The following EP400 variants were observed in gnomAD, a reference collection of about 807,000 sequenced individuals.
EP400 encodes E1A-binding protein p400.
EP400 carries 105 observed loss-of-function variants against 354.1 expected under a neutral mutation model. The ratio of observed to expected loss-of-function variants is 0.30; its 90% CI spans 0.25 to 0.35. EP400 has a LOEUF of 0.35. EP400 is among the 10% of genes least tolerant of loss of function. The pLI, the probability that EP400 is intolerant of heterozygous loss-of-function variation, is 1.00. For missense variants in EP400, 3,280 were observed against 4,121.0 expected (o/e 0.80, Z 5.59); for synonymous variants, 1,646 against 1,716.9 (o/e 0.96, Z 1.02).
intron 22 of EP400, 34 bp from the exon 23 acceptor site, chr12:132,021,045 A>C (rs1397570372): frequency 6.5e-7 from 1 of 1,548,632 alleles, no homozygotes; most frequent in Non-Finnish European, 8.7e-7. Flanking sequence ...AGAACCTCTA[A>C]CAGCTTTGCA....
At position 132,027,898 on chromosome 12, in the gene EP400, CG is replaced by C; in HGVS notation, c.5110-115del. 9.5e-7 allele frequency: 1 copy of C among 1,054,612 alleles called. No individual in the cohort carries two copies. Among genetic ancestry groups the C allele is most frequent in the East Asian group, 2.5e-5 (1 of 39,872 alleles). 65.3% of individuals were successfully genotyped at this position (1,054,612 alleles called of 1,614,324 possible). ...ATCTCTATTTCCTGTAACACAAGAC[CG>C]GGGATATTGAAGTGGATCTCATATG... On this transcript the variant is annotated intron_variant, in intron 26 of 52. Transcript: ENST00000389561. This position sits in a 1 kb window ranked among gnomAD's most constrained non-coding sequence, Gnocchi z 4.9.
At position 132,056,427 on chromosome 12, in the gene EP400, A is replaced by G. The variant is rs7314077; in HGVS notation, c.7884+1219A>G. ...GACCCCTCCCCAACACAACACACGC[A>G]CACACACACACACACACACATTTTC... On this transcript the variant is annotated intron_variant, in intron 45 of 52. Transcript: ENST00000389561. Among the ~76,000 whole-genome samples the G allele has an allele frequency of 1.3e-3, 196 of 145,944 alleles. 1 individual carries two copies. The highest frequency in any genetic ancestry group is 4.4e-3 in the African/African-American group (169 of 38,722).
intron 32 of EP400, among the ~76,000 whole-genome samples, chr12:132,040,274 T>A (rs1398064734): frequency 6.6e-6 from 1 of 151,978 alleles, no homozygotes; most frequent in Non-Finnish European, 1.5e-5. Context: ...CCTGGGAACG[T>A]CGTTGGCACA....
At chr12:132,008,284 T>G (rs533713013) in intron 15 of EP400, among the ~76,000 whole-genome samples, 10 of 152,332 alleles carry the variant, frequency 6.6e-5, no homozygotes, top group African/African-American at 2.4e-4. Context: ...CTAAGCTGTT[T>G]GCATAGTTTG....
At position 132,030,104 on chromosome 12, in the gene EP400, C is replaced by G. The variant is rs766533664; in HGVS notation, c.5700C>G (p.Phe1900Leu). The change falls in exon 29 of 53, where the codon TTC becomes TTG. Residue 1900 changes from phenylalanine (F) to leucine (L), a missense_variant. Physicochemically the swap from Phe to Leu is conservative, Grantham distance 22. Coordinates refer to ENST00000389561, the MANE Select transcript of EP400 (RefSeq NM_015409.5). ...MLDILEMFLN[F>L]HYLTYVRIDE... is the part of the protein sequence containing the mutation. ...ACATTTTAGAGATGTTCTTGAACTT[C>G]CATTACCTCACCTATGTAAGAATCG... 8.1e-6 allele frequency: 13 copies of G among 1,614,200 alleles called. No individual in the cohort carries two copies. In the South Asian group the frequency reaches 1.1e-4, roughly 14 times the overall value.
chr12:132,027,648 A>C lies in EP400; in HGVS notation c.5109+117A>C. The stretch of plus-strand genomic sequence containing the variant: ...TGTGAATTCTCAAGTGATGTTACTG[A>C]ATTCTTATTTTAAAACACACATTTT... On this transcript the variant is annotated intron_variant, in intron 26 of 52. Transcript: ENST00000389561. This position sits in a 1 kb window ranked among gnomAD's most constrained non-coding sequence, Gnocchi z 4.9. 1 of 817,990 alleles carries C rather than the reference A, an allele frequency of 1.2e-6. No homozygotes were observed. Among genetic ancestry groups the C allele is most frequent in the South Asian group, 1.9e-5 (1 of 52,222 alleles). 50.7% of individuals were successfully genotyped at this position (817,990 alleles called of 1,614,324 possible).
At position 132,005,197 on chromosome 12, in the gene EP400, C is replaced by G. The variant is rs1260082713; in HGVS notation, c.2935+13C>G. 5.2e-6 allele frequency: 8 copies of G among 1,544,320 alleles called. No individual in the cohort carries two copies. Among genetic ancestry groups the G allele is most frequent in the Non-Finnish European group, 7.0e-6 (8 of 1,140,338 alleles). ...AGCGGAGAGGAAGGTGCGCTCCCAGCCTTTGGAAGAATTCAGGGTTAAAAG... is the reference window on the plus strand; with the variant it reads ...AGCGGAGAGGAAGGTGCGCTCCCAGGCTTTGGAAGAATTCAGGGTTAAAAG... On this transcript the variant is annotated intron_variant, in intron 13 of 52. Transcript: ENST00000389561.
chr12:131,953,512 A>G (rs1310264438), intron 1 of EP400, among the ~76,000 whole-genome samples: 5 of 152,200 alleles, frequency 3.3e-5, no homozygotes, highest in Non-Finnish European at 7.3e-5. Context: ...TTTCCTGTTG[A>G]TCCACCATTA....
Position 132,013,417 on chromosome 12 carries a change from T to G in EP400, c.3612-73T>G. On this transcript the variant is annotated intron_variant, in intron 17 of 52. Coordinates refer to ENST00000389561, the MANE Select transcript of EP400 (RefSeq NM_015409.5). This position sits in a 1 kb window ranked among gnomAD's most constrained non-coding sequence, Gnocchi z 4.5. ...AATTACTGTCCCTTTTCTCACACAT[T>G]GTCAGAGAAGATGCTGCTGCAGCCA... is the stretch of plus-strand genomic sequence containing the variant. 1 of 1,499,082 alleles carries G rather than the reference T, an allele frequency of 6.7e-7. No individual in the cohort carries two copies. The highest frequency in any genetic ancestry group is 8.9e-7 in the Non-Finnish European group (1 of 1,119,186). 92.9% of individuals were successfully genotyped at this position (1,499,082 alleles called of 1,614,324 possible). A position where few individuals can be genotyped will look rare whatever the true frequency, so the allele number is the denominator to read the frequency against.
intron 2 of EP400, among the ~76,000 whole-genome samples, chr12:131,970,056 C>T (rs1374416054): frequency 5.3e-5 from 8 of 152,110 alleles, no homozygotes; most frequent in Non-Finnish European, 7.4e-5. Flanking sequence ...CCACCGCCTC[C>T]GCCCCGCCAA....
In EP400 at chr12:131,960,707, G is replaced by GGCCCCCCCCCCCCCCCCCCCCCCCC; in HGVS notation, c.88_89insGCCCCCCCCCCCCCCCCCCCCCCCC (p.Ala30GlyfsTer43). On this transcript the variant is annotated frameshift_variant, in exon 2 of 53. Transcript: ENST00000389561. LOFTEE classifies it high-confidence loss of function. ...TGGCAGCGAGGGTGAGGAGCAGCCGGCCCACCCCAACCCACCCCCGTCCCC... is the reference window on the plus strand; with the variant it reads ...TGGCAGCGAGGGTGAGGAGCAGCCGGGCCCCCCCCCCCCCCCCCCCCCCCCCCCACCCCAACCCACCCCCGTCCCC... 6 of 1,545,590 alleles carry GGCCCCCCCCCCCCCCCCCCCCCCCC rather than the reference G, an allele frequency of 3.9e-6. No homozygotes were observed. The highest frequency in any genetic ancestry group is 2.4e-5 in the South Asian group (2 of 83,348).
intron 29 of EP400, among the ~76,000 whole-genome samples, 158 bp from the exon 30 acceptor site, chr12:132,031,795 T>C (rs932401030): frequency 6.6e-6 from 1 of 152,192 alleles, no homozygotes; most frequent in Non-Finnish European, 1.5e-5. Flanking sequence ...GACCTTGTGA[T>C]CCACCCACCT....
intron 2 of EP400, among the ~76,000 whole-genome samples, chr12:131,978,822 T>C (rs1408713683): frequency 6.6e-6 from 1 of 152,212 alleles, no homozygotes; most frequent in African/African-American, 2.4e-5. Context: ...ATGGCTTTTT[T>C]TCACTTTAAA....
intron 15 of EP400, among the ~76,000 whole-genome samples, chr12:132,009,186 CTGCCCAAAGTGGTGGGAT>C (rs1279262050): frequency 6.6e-5 from 10 of 151,798 alleles, no homozygotes; most frequent in Non-Finnish European, 1.3e-4. Context: ...CCTGCCTTGG[CTGCCCAAAGTGGTGGGAT>C]TACAGGCATG....
At position 132,067,343 on chromosome 12, in the gene EP400, G is replaced by A. The variant is rs956922614; in HGVS notation, c.8750-19G>A. 1 of 1,610,792 alleles carries A rather than the reference G, an allele frequency of 6.2e-7. No homozygotes were observed. Among genetic ancestry groups the A allele is most frequent in the African/African-American group, 1.3e-5 (1 of 75,002 alleles). On this transcript the variant is annotated intron_variant, in intron 49 of 52. Transcript: ENST00000389561. The surrounding 1 kb of genome is among the most constrained non-coding windows in gnomAD (Gnocchi z 5.3). ...CTCTTTTCCCAGTGTGCTGACTAAG[G>A]GGCTTTTGCTGCCTGCAGGACAGAC...
rs955091553 is a variant in EP400 at position 132,025,143 on chromosome 12, G to A, written c.4856-503G>A. Among the ~76,000 whole-genome samples, 7 of 151,960 alleles carry A rather than the reference G, an allele frequency of 4.6e-5. No homozygotes were observed. The South Asian group carries it at 6.2e-4, about 13-fold the overall frequency. On this transcript the variant is annotated intron_variant, in intron 24 of 52. Transcript: ENST00000389561. The surrounding 1 kb of genome is among the most constrained non-coding windows in gnomAD (Gnocchi z 4.1). ...CTTGGTAACATCTCTGATGGCCGCC[G>A]GTTTATTCATAGAGATGACCTGGGA...
In EP400 at chr12:132,051,842, T is replaced by C. The variant is rs1895302403; in HGVS notation, c.7394+1187T>C. On this transcript the variant is annotated intron_variant, in intron 41 of 52. Transcript: ENST00000389561. ...AGGGAGACTCCCTTTCCCGGTCCACTAAGTAGTGGGTGTTTTTCCTTGACA... is the reference window on the plus strand; with the variant it reads ...AGGGAGACTCCCTTTCCCGGTCCACCAAGTAGTGGGTGTTTTTCCTTGACA... 2.0e-5 allele frequency among the ~76,000 whole-genome samples: 3 copies of C among 152,040 alleles called. No individual in the cohort carries two copies. The South Asian group carries it at 6.2e-4, about 32-fold the overall frequency.
At chr12:132,041,368 A>G (rs1025629988) in intron 32 of EP400, among the ~76,000 whole-genome samples, 1 of 152,212 alleles carries the variant, frequency 6.6e-6, no homozygotes, top group African/African-American at 2.4e-5. Context: ...CATCTGGTGG[A>G]GGAGGAGGAT....
At chr12:132,043,159 C>T in intron 32 of EP400, 145 bp from the exon 33 acceptor site, 1 of 803,898 alleles carries the variant, frequency 1.2e-6, no homozygotes, top group Non-Finnish European at 1.9e-6. Flanking sequence ...TGTAAGAGGA[C>T]CTCAGGGAAG....
Sources: gnomAD v4.1 joint callset for allele counts (sites outside exome capture counted in the v4.1 genomes callset) on GRCh38, gnomAD v4.1.1 for gene constraint, Gnocchi (gnomAD v3.1) non-coding constraint, MANE v1.5 for transcripts, NCBI Gene and HGNC (gene_info 2026-07-23, HGNC 2026-07-21) for gene names.